The following SGF29 variants were observed in gnomAD, a reference collection of about 807,000 sequenced individuals.
SGF29 encodes SAGA-associated factor 29.
In SGF29, 15 loss-of-function variants were observed where a neutral mutation model predicts 38.1. That is an observed-to-expected ratio of 0.39 (90% CI 0.26 to 0.61). The LOEUF (loss-of-function observed/expected upper bound fraction) is 0.61, where lower values mean the gene tolerates loss of function less well. Among genes scored for constraint, SGF29 ranks in the 20% least tolerant of loss-of-function variants. The probability of loss-of-function intolerance (pLI) is 0.49; values close to 1 mark genes in which losing one functional copy is unlikely to be tolerated. For missense variants in SGF29, 184 were observed against 394.6 expected (o/e 0.47, Z 4.52); for synonymous variants, 151 against 160.8 (o/e 0.94, Z 0.46).
chr16:28,587,654 C>T (rs965361751), intron 4 of SGF29, among the ~76,000 whole-genome samples: 5 of 152,264 alleles, frequency 3.3e-5, no homozygotes, highest in Non-Finnish European at 7.3e-5. Context: ...CACCCAGTTC[C>T]TGTGCATCTC....
Position 28,590,368 on chromosome 16 carries a change from C to T in SGF29, c.492C>T (p.Ala164=), listed in dbSNP as rs2046981541. 3 of 1,613,680 alleles carry T rather than the reference C, an allele frequency of 1.9e-6. No individual in the cohort carries two copies. In the South Asian group the frequency reaches 3.3e-5, roughly 18 times the overall value. The change falls in exon 7 of 10, where the codon GCC becomes GCT. Residue 164 remains alanine, a synonymous_variant. Transcript: ENST00000317058. The surrounding 1 kb of genome is among the most constrained non-coding windows in gnomAD (Gnocchi z 8.2). ...CCAGACCTGGAGACAAGGTGGCTGCCCGGGTGAAGGCCGTGGATGGGGACG... is the reference window on the plus strand; with the variant it reads ...CCAGACCTGGAGACAAGGTGGCTGCTCGGGTGAAGGCCGTGGATGGGGACG... The part of the protein sequence containing the change: ...YVARPGDKVA[A]RVKAVDGDEQ...
At chr16:28,567,647 A>C (rs185036539) in intron 1 of SGF29, among the ~76,000 whole-genome samples, 1 of 152,324 alleles carries the variant, frequency 6.6e-6, no homozygotes, top group East Asian at 1.9e-4. Context: ...AGGGCACAGG[A>C]GGAGAGCTGT....
intron 9 of SGF29, 96 bp from the exon 10 acceptor site, chr16:28,591,494 C>T (rs1238622541): frequency 1.5e-5 from 13 of 847,248 alleles, no homozygotes; most frequent in Admixed American, 5.3e-5. Flanking sequence ...TGAGAGTCCA[C>T]GGCCCAGAGC....
intron 5 of SGF29, among the ~76,000 whole-genome samples, chr16:28,589,578 T>C (rs1025576834): frequency 6.6e-5 from 10 of 152,306 alleles, no homozygotes; most frequent in African/African-American, 2.4e-4. Flanking sequence ...AACAATCCCA[T>C]GGTGGGCAGA....
intron 1 of SGF29, among the ~76,000 whole-genome samples, chr16:28,560,435 T>A (rs4788075): frequency 0.98 from 149,039 of 151,344 alleles, 73,431 homozygotes; most frequent in Middle Eastern, 1. Flanking sequence ...CTAAAAATAC[T>A]AAAATTAGCT....
rs1259173439 is a variant in SGF29, at chr16:28,590,555, G to A, written c.567-76G>A. ...AGGCTGGTTGTGCAGGGAGCACCAGGTCCTCCCCCATCCTCACTCCCCAAC... is the reference window on the plus strand; with the variant it reads ...AGGCTGGTTGTGCAGGGAGCACCAGATCCTCCCCCATCCTCACTCCCCAAC... On this transcript the variant is annotated intron_variant, in intron 7 of 9. Transcript: ENST00000317058. The surrounding 1 kb of genome is among the most constrained non-coding windows in gnomAD (Gnocchi z 8.2). 4.3e-6 allele frequency: 7 copies of A among 1,612,068 alleles called. No homozygotes were observed. The highest frequency in any genetic ancestry group is 5.1e-6 in the Non-Finnish European group (6 of 1,179,204).
intron 1 of SGF29, among the ~76,000 whole-genome samples, chr16:28,557,461 C>T (rs2046759265): frequency 6.6e-6 from 1 of 152,222 alleles, no homozygotes; most frequent in South Asian, 2.1e-4. Flanking sequence ...TCATCTGTAT[C>T]CATTGTGACA....
intron 1 of SGF29, among the ~76,000 whole-genome samples, chr16:28,580,445 C>T (rs1462835615): frequency 2.0e-5 from 3 of 152,152 alleles, no homozygotes; most frequent in African/African-American, 4.8e-5. Context: ...GCCGTTACTC[C>T]GCGCATCTCT....
At chr16:28,569,684 G>C (rs1390386472) in intron 1 of SGF29, among the ~76,000 whole-genome samples, 1 of 152,156 alleles carries the variant, frequency 6.6e-6, no homozygotes, top group Non-Finnish European at 1.5e-5. Flanking sequence ...TGTATTTGGA[G>C]AGAATATGAA....
chr16:28,558,713 T>C (rs2046767910), intron 1 of SGF29, among the ~76,000 whole-genome samples: 1 of 152,228 alleles, frequency 6.6e-6, no homozygotes, highest in Non-Finnish European at 1.5e-5. Flanking sequence ...GGAATGTTAT[T>C]TAACCATAAA....
chr16:28,576,799 G>A (rs2046896978), intron 1 of SGF29, among the ~76,000 whole-genome samples: 1 of 152,134 alleles, frequency 6.6e-6, no homozygotes, highest in Admixed American at 6.6e-5. Flanking sequence ...GTAACCCAAT[G>A]TCCATCAGTT....
chr16:28,578,045 CAGGCTCGTCTGGTGGCCT>C (rs898379546), intron 1 of SGF29, among the ~76,000 whole-genome samples: 1 of 151,994 alleles, frequency 6.6e-6, no homozygotes, highest in Non-Finnish European at 1.5e-5. Context: ...AAGTGGGGCT[CAGGCTCGTCTGGTGGCCT>C]AGGCTCGTCT....
chr16:28,585,839 C>T, intron 4 of SGF29, 119 bp downstream of exon 4: 1 of 932,322 alleles, frequency 1.1e-6, no homozygotes, highest in Non-Finnish European at 1.7e-6. Context: ...ATTGCTACTC[C>T]CAGCCTCTCG....
intron 1 of SGF29, among the ~76,000 whole-genome samples, chr16:28,572,690 G>C (rs1596601667): frequency 6.6e-6 from 1 of 152,206 alleles, no homozygotes; most frequent in East Asian, 1.9e-4. Context: ...AGAAGGGAAA[G>C]GGCTTTGCAG....
In SGF29 at chr16:28,590,866, G is replaced by A. The variant is rs957982943; in HGVS notation, c.696G>A (p.Gln232=). Residue 232 remains glutamine, a synonymous_variant, in exon 9 of 10, where the codon CAG becomes CAA. Coordinates refer to ENST00000317058, the MANE Select transcript of SGF29 (RefSeq NM_138414.3). This position sits in a 1 kb window ranked among gnomAD's most constrained non-coding sequence, Gnocchi z 8.2. ...TDPEALFQKE[Q]LVLALYPQTT... is the part of the protein sequence containing the mutation. ...CTGAGGCCTTGTTCCAGAAGGAGCA[G>A]CTCGTGCTGGCCCTGTATCCCCAGA... The A allele has an allele frequency of 6.2e-7, 1 of 1,613,784 alleles. No homozygotes were observed. The highest frequency in any genetic ancestry group is 8.5e-7 in the Non-Finnish European group (1 of 1,179,914).
intron 5 of SGF29, chr16:28,589,368 C>T (rs2046973725): frequency 1.2e-5 from 7 of 566,820 alleles, no homozygotes; most frequent in Non-Finnish European, 1.6e-5. Context: ...AGTTCTCCCT[C>T]AGCAGCCAGA....
intron 1 of SGF29, among the ~76,000 whole-genome samples, chr16:28,568,680 C>T (rs868575151): frequency 8.6e-5 from 13 of 151,718 alleles, no homozygotes; most frequent in East Asian, 1.9e-4. Context: ...TTTGGGAGGC[C>T]GAGGGGGATG....
rs371390868 is a variant in SGF29 at position 28,567,165 on chromosome 16, A to G, written c.-16+13068A>G. 4.1e-4 allele frequency among the ~76,000 whole-genome samples: 62 copies of G among 152,288 alleles called. No individual in the cohort carries two copies. The East Asian group carries it at 4.4e-3, about 11-fold the overall frequency. ...AAATTTCTAGCCATAGAGAAGTAGAAGTGTGTAAGAAATATCCATGTTGAG... is the reference window on the plus strand; with the variant it reads ...AAATTTCTAGCCATAGAGAAGTAGAGGTGTGTAAGAAATATCCATGTTGAG... On this transcript the variant is annotated intron_variant, in intron 1 of 9. Coordinates refer to ENST00000317058, the MANE Select transcript of SGF29 (RefSeq NM_138414.3).
chr16:28,584,625 T>TA (rs1382362884), intron 2 of SGF29, among the ~76,000 whole-genome samples: 1 of 151,990 alleles, frequency 6.6e-6, no homozygotes, highest in East Asian at 1.9e-4. Context: ...CCGTCTCTTC[T>TA]AAAACTACAA....
Sources: gnomAD v4.1 joint callset for allele counts (sites outside exome capture counted in the v4.1 genomes callset) on GRCh38, gnomAD v4.1.1 for gene constraint, Gnocchi (gnomAD v3.1) non-coding constraint, MANE v1.5 for transcripts, NCBI Gene and HGNC (gene_info 2026-07-23, HGNC 2026-07-21) for gene names.